FCRL3: variants seen among roughly 807,000 people sequenced by gnomAD.
FCRL3 encodes the protein Fc receptor like 3, also known as Fc receptor-like protein 3.
A neutral mutation model predicts 75.0 loss-of-function variants in FCRL3; 89 were observed. That is an observed-to-expected ratio of 1.19 (90% CI 1.00 to 1.42). The LOEUF is 1.42. FCRL3 is among the 40% of genes most tolerant of loss of function. The pLI is 0.00. For synonymous variants in FCRL3, 376 were observed against 348.5 expected, an observed-to-expected ratio of 1.08 and a Z score of -0.88; for missense variants, 946 against 880.0, an observed-to-expected ratio of 1.07 and a Z score of -0.95.
At chr1:157,695,168 A>C (rs1655801514) in intron 8 of FCRL3, among the ~76,000 whole-genome samples, 161 bp downstream of exon 8, 1 of 152,226 alleles carries the variant, frequency 6.6e-6, no homozygotes, top group Non-Finnish European at 1.5e-5. Flanking sequence ...TAAGTTACTA[A>C]ATGTGTAATC....
intron 11 of FCRL3, 47 bp downstream of exon 11, chr1:157,683,170 T>C (rs1654956381): frequency 2.5e-6 from 4 of 1,597,210 alleles, no homozygotes; most frequent in South Asian, 2.3e-5. Flanking sequence ...CTCGTGCATA[T>C]AAATAAATCA....
intron 11 of FCRL3, 63 bp from the exon 12 acceptor site, chr1:157,681,162 A>C: frequency 1.7e-6 from 2 of 1,160,870 alleles, no homozygotes; most frequent in Non-Finnish European, 2.3e-6. Flanking sequence ...ATTTCAGGGA[A>C]ATCAATATTC....
rs59027149 is a variant in FCRL3 at position 157,700,460 on chromosome 1, C to G, written c.30G>C (p.Leu10=). 281 of 1,613,962 alleles carry G rather than the reference C, an allele frequency of 1.7e-4. No homozygotes were observed. In the African/African-American group the frequency reaches 3.4e-3, roughly 19 times the overall value. ...CCCCATTATAGCCCATCTACTCACT[C>G]AGGATCAGCAGCAGCAGCCACAGAA... MLLWLLLLI[L]TPGREQSGVA... is the part of the protein sequence containing the mutation. The change falls in exon 2 of 15, where the codon CTG becomes CTC. Residue 10 remains leucine (L), a splice_region_variant and synonymous_variant. Coordinates refer to ENST00000368184, the MANE Select transcript of FCRL3 (RefSeq NM_052939.4).
intron 11 of FCRL3, among the ~76,000 whole-genome samples, chr1:157,682,857 A>G (rs1030979369): frequency 1.3e-5 from 2 of 152,210 alleles, no homozygotes; most frequent in African/African-American, 4.8e-5. Flanking sequence ...CATTGCCAGC[A>G]TTCAATAATA....
intron 8 of FCRL3, chr1:157,691,869 T>C (rs1333042023): frequency 4.6e-5 from 7 of 152,208 alleles, no homozygotes; most frequent in Admixed American, 4.6e-4. Flanking sequence ...AAGACCATGG[T>C]TATTGTCAAC....
chr1:157,686,436 T>A (rs1228613194), intron 10 of FCRL3, among the ~76,000 whole-genome samples: 1 of 152,066 alleles, frequency 6.6e-6, no homozygotes, highest in East Asian at 1.9e-4. Context: ...TAGAAAAATC[T>A]ATTTTAAAAT....
chr1:157,681,363 G>A (rs1654828766), intron 11 of FCRL3, among the ~76,000 whole-genome samples: 2 of 150,906 alleles, frequency 1.3e-5, no homozygotes, highest in Admixed American at 1.3e-4. Flanking sequence ...TTTAGAATTA[G>A]GTATATCTCC....
At chr1:157,696,652 G>T (rs796124274) in intron 6 of FCRL3, 3 of 331,132 alleles carry the variant, frequency 9.1e-6, no homozygotes, top group African/African-American at 2.1e-5. Flanking sequence ...GAACACTGGA[G>T]ATCCTCTGTT....
At chr1:157,698,084 G>A in intron 4 of FCRL3, 165 bp from the exon 5 acceptor site, 6 of 804,928 alleles carry the variant, frequency 7.5e-6, no homozygotes, top group Non-Finnish European at 1.1e-5. Context: ...GCCCTACAAG[G>A]GTGAACCAAT....
At chr1:157,697,611 C>A (rs1309220368) in intron 5 of FCRL3, 48 bp downstream of exon 5, 2 of 1,572,904 alleles carry the variant, frequency 1.3e-6, no homozygotes, top group Non-Finnish European at 1.7e-6. Context: ...TCCCTTTATC[C>A]CCAGTTTCCC....
At position 157,698,025 on chromosome 1, in the gene FCRL3, T is replaced by C. The variant is rs543487402; in HGVS notation, c.299-106A>G. 355 of 1,321,384 alleles carry C rather than the reference T, an allele frequency of 2.7e-4. 3 individuals carry two copies. In the South Asian group the frequency reaches 5.1e-3, roughly 19 times the overall value. The allele number at this position is 1,321,384 out of a possible 1,614,324, so 81.9% of individuals were successfully genotyped here. A position where few individuals can be genotyped will look rare whatever the true frequency, so the allele number is the denominator to read the frequency against. ...CCACAGTTCTATACACACCTGCAAA[T>C]GGCCCCCACCCACATTGCCATGTGG... On this transcript the variant is annotated intron_variant, in intron 4 of 14. Transcript: ENST00000368184.
At position 157,700,556 on chromosome 1, in the gene FCRL3, G is replaced by C. The variant is rs923853437; in HGVS notation, c.-67C>G. 6.2e-7 allele frequency: 1 copy of C among 1,612,888 alleles called. No individual in the cohort carries two copies. The highest frequency in any genetic ancestry group is 1.3e-5 in the African/African-American group (1 of 74,856). On this transcript the variant is annotated 5_prime_UTR_variant, in exon 2 of 15. Coordinates refer to ENST00000368184, the MANE Select transcript of FCRL3 (RefSeq NM_052939.4). ...AAAAGCCCGACTTATCTCCAAGAAG[G>C]AGGGCAGGAAGCTGCTACTCAGATG...
rs758925943 is a variant in FCRL3, at chr1:157,695,621, A to C, written c.1133-14T>G. ...GAGATACCGGAACTGAAGGAGACAA[A>C]AGGGCTGTCAGAGGATTCTGACGTT... On this transcript the variant is annotated splice_polypyrimidine_tract_variant and intron_variant, in intron 7 of 14. Coordinates refer to ENST00000368184, the MANE Select transcript of FCRL3 (RefSeq NM_052939.4). 3 of 1,583,882 alleles carry C rather than the reference A, an allele frequency of 1.9e-6. No homozygotes were observed. Among genetic ancestry groups the C allele is most frequent in the Non-Finnish European group, 2.6e-6 (3 of 1,165,922 alleles).
Position 157,695,449 on chromosome 1 carries a change from A to AG in FCRL3, c.1290dup (p.Ser431LeufsTer22), listed in dbSNP as rs1655820348. 6.2e-7 allele frequency: 1 copy of AG among 1,614,194 alleles called. No homozygotes were observed. Among genetic ancestry groups the AG allele is most frequent in the African/African-American group, 1.3e-5 (1 of 75,028 alleles). On this transcript the variant is annotated frameshift_variant, in exon 8 of 15. Transcript: ENST00000368184. LOFTEE classifies it high-confidence loss of function. Reference sequence around the variant, plus strand: ...AGGTTGAAGGAGGCTCCTCCTCCAGAGGGGGCTGAGCTGTTCCCCAGGGTG... The same window carrying AG: ...AGGTTGAAGGAGGCTCCTCCTCCAGAGGGGGGCTGAGCTGTTCCCCAGGGTG...
At position 157,697,264 on chromosome 1, in the gene FCRL3, G is replaced by T; in HGVS notation, c.720C>A (p.Ser240Arg). The change falls in exon 6 of 15, where the codon AGC becomes AGA. Residue 240 changes from serine to arginine, a missense_variant. Transcript: ENST00000368184. ...RDSQTLGLGW[S>R]RSPRLQIPAM... ...CAGGGATCTGGAGTCTGGGGGACCT[G>T]CTCCAGCCCAATCCGAGGGTCTGGC... is the stretch of plus-strand genomic sequence containing the variant. 1.2e-6 allele frequency: 2 copies of T among 1,611,870 alleles called. No individual in the cohort carries two copies. The highest frequency in any genetic ancestry group is 1.3e-5 in the African/African-American group (1 of 74,960).
At chr1:157,683,949 C>T (rs1403914669) in intron 10 of FCRL3, among the ~76,000 whole-genome samples, 1 of 152,150 alleles carries the variant, frequency 6.6e-6, no homozygotes, top group Non-Finnish European at 1.5e-5. Context: ...CTATTTGCCT[C>T]TATTTCTCTC....
intron 5 of FCRL3, 91 bp downstream of exon 5, chr1:157,697,568 G>A: frequency 6.7e-7 from 1 of 1,495,062 alleles, no homozygotes; most frequent in Non-Finnish European, 9.0e-7. Context: ...AGCCATAGGA[G>A]ACTCTTTATG....
rs6691569 is a variant in FCRL3 at position 157,678,308 on chromosome 1, G to A, written c.*402C>T. ...ATGCCACTACCAGCCACACAAAAAA[G>A]GGAAACAAAATATTTGGAGCAAATT... On this transcript the variant is annotated 3_prime_UTR_variant, in exon 15 of 15. Transcript: ENST00000368184. 263,008 of 1,010,424 alleles carry A rather than the reference G, an allele frequency of 0.26. 34,759 individuals carry two copies. The highest frequency in any genetic ancestry group is 0.34 in the Middle Eastern group (685 of 2,002). 62.6% of individuals were successfully genotyped at this position (1,010,424 alleles called of 1,614,324 possible).
In FCRL3 at chr1:157,681,007, A is replaced by G. The variant is rs1193501586; in HGVS notation, c.1931T>C (p.Met644Thr). 3 of 1,597,930 alleles carry G rather than the reference A, an allele frequency of 1.9e-6. No individual in the cohort carries two copies. The highest frequency in any genetic ancestry group is 1.7e-6 in the Non-Finnish European group (2 of 1,174,644). ...ATTGCTGTACATTGGCTCCAGCTCCATTGGGGCTAGTGGTTTAGAGTGAGT... is the reference window on the plus strand; with the variant it reads ...ATTGCTGTACATTGGCTCCAGCTCCGTTGGGGCTAGTGGTTTAGAGTGAGT... ...EPTHSKPLAP[M>T]ELEPMYSNVN... The change falls in exon 12 of 15, where the codon ATG becomes ACG. Residue 644 changes from methionine (M) to threonine (T), a missense_variant. Coordinates refer to ENST00000368184, the MANE Select transcript of FCRL3 (RefSeq NM_052939.4).
Sources: gnomAD v4.1 joint callset for allele counts (sites outside exome capture counted in the v4.1 genomes callset) on GRCh38, gnomAD v4.1.1 for gene constraint, MANE v1.5 for transcripts, NCBI Gene and HGNC (gene_info 2026-07-23, HGNC 2026-07-21) for gene names.